MAPK10: variants seen among roughly 807,000 people sequenced by gnomAD.
MAPK10 encodes JNK3 alpha protein kinase.
In MAPK10, 25 loss-of-function variants were observed where a neutral mutation model predicts 59.3. The observed-to-expected ratio is 0.42, with a 90% confidence interval of 0.31 to 0.59. The LOEUF is 0.59. MAPK10 is among the 20% of genes least tolerant of loss of function. MAPK10 has a pLI of 0.15. For synonymous variants in MAPK10, 190 were observed against 200.5 expected (o/e 0.95, Z 0.44); for missense variants, 351 against 568.9 (o/e 0.62, Z 3.90).
At chr4:86,526,209 G>T (rs1757462008) in intron 1 of MAPK10, among the ~76,000 whole-genome samples, 1 of 152,074 alleles carries the variant, frequency 6.6e-6, no homozygotes, top group South Asian at 2.1e-4. Context: ...GGGATTTTAG[G>T]GGGATGGTAG....
At chr4:86,152,879 C>T (rs10001480) in intron 4 of MAPK10, among the ~76,000 whole-genome samples, 34,673 of 152,090 alleles carry the variant, frequency 0.23, 4,696 homozygotes, top group African/African-American at 0.38. Context: ...GCCATTGCCA[C>T]CTGTTATTTA....
At chr4:86,292,169 G>GTATC (rs1244076810) in intron 2 of MAPK10, among the ~76,000 whole-genome samples, 1 of 152,140 alleles carries the variant, frequency 6.6e-6, no homozygotes, top group East Asian at 1.9e-4. Context: ...TTTAAAAATA[G>GTATC]TATCTGGTAT....
At chr4:86,394,614 A>C (rs1037620114) in intron 1 of MAPK10, among the ~76,000 whole-genome samples, 2 of 152,220 alleles carry the variant, frequency 1.3e-5, no homozygotes, top group African/African-American at 4.8e-5. Context: ...GAGAAGAAGA[A>C]GATAAAGTTC....
At chr4:86,257,596 G>A (rs17011623) in intron 2 of MAPK10, among the ~76,000 whole-genome samples, 2,375 of 152,164 alleles carry the variant, frequency 0.016, 79 homozygotes, top group African/African-American at 0.054. Flanking sequence ...TAGTCCTCAC[G>A]TGGTTGACCA....
chr4:86,287,150 G>C (rs1385840563), intron 2 of MAPK10, among the ~76,000 whole-genome samples: 3 of 152,116 alleles, frequency 2.0e-5, no homozygotes, highest in Admixed American at 2.0e-4. Context: ...ATGAAAAAAG[G>C]CTTAAAATAA....
chr4:86,591,222 C>A (rs1382542931), intron 1 of MAPK10, among the ~76,000 whole-genome samples: 1 of 152,056 alleles, frequency 6.6e-6, no homozygotes, highest in Non-Finnish European at 1.5e-5. Context: ...CCATGCCCAG[C>A]CAGTTTTATA....
At chr4:86,284,180 A>G (rs2094918891) in intron 2 of MAPK10, among the ~76,000 whole-genome samples, 2 of 152,220 alleles carry the variant, frequency 1.3e-5, no homozygotes, top group African/African-American at 2.4e-5. Context: ...CACAAAAACT[A>G]TATGAGGAAC....
chr4:86,515,006 C>A (rs1756550095), intron 1 of MAPK10, among the ~76,000 whole-genome samples: 1 of 152,116 alleles, frequency 6.6e-6, no homozygotes, highest in Non-Finnish European at 1.5e-5. Context: ...CCACCTCACA[C>A]ACTTTTCCTA....
intron 3 of MAPK10, among the ~76,000 whole-genome samples, chr4:86,171,556 C>CTCCT (rs1184251138): frequency 1.3e-5 from 2 of 152,142 alleles, no homozygotes; most frequent in African/African-American, 4.8e-5. Context: ...CCCTCCATTA[C>CTCCT]ACCTTATACA....
intron 1 of MAPK10, among the ~76,000 whole-genome samples, chr4:86,487,612 T>A (rs1463106409): frequency 6.6e-6 from 1 of 151,546 alleles, no homozygotes; most frequent in Non-Finnish European, 1.5e-5. Context: ...GTGCCTGTAG[T>A]CCCAGCTACT....
At chr4:86,369,897 G>C (rs7695670) in intron 1 of MAPK10, among the ~76,000 whole-genome samples, 1 of 152,080 alleles carries the variant, frequency 6.6e-6, no homozygotes, top group Non-Finnish European at 1.5e-5. Context: ...TCCCAATTTA[G>C]GCACTGTCAT....
At chr4:86,195,161 T>G (rs1451877937) in intron 2 of MAPK10, among the ~76,000 whole-genome samples, 1 of 152,174 alleles carries the variant, frequency 6.6e-6, no homozygotes, top group Non-Finnish European at 1.5e-5. Context: ...TAATGCCAAA[T>G]TAGGTACTAA....
At chr4:86,100,641 A>G (rs1467225210) in intron 8 of MAPK10, 1 of 153,790 alleles carries the variant, frequency 6.5e-6, no homozygotes, top group Non-Finnish European at 1.4e-5. Context: ...TTCTAGAACT[A>G]CAGCCATCAG....
intron 4 of MAPK10, among the ~76,000 whole-genome samples, chr4:86,118,540 CTA>C (rs747834492): frequency 9.3e-5 from 14 of 150,094 alleles, no homozygotes; most frequent in East Asian, 2.0e-4. Flanking sequence ...TGCTATAAAG[CTA>C]TGTTTACCTC....
intron 2 of MAPK10, among the ~76,000 whole-genome samples, chr4:86,286,500 A>T (rs144175633): frequency 6.6e-6 from 1 of 152,332 alleles, no homozygotes; most frequent in Non-Finnish European, 1.5e-5. Context: ...TTATTAACTC[A>T]TTTAATCTCA....
intron 13 of MAPK10, among the ~76,000 whole-genome samples, chr4:86,026,088 T>C (rs1750037618): frequency 6.6e-6 from 1 of 152,162 alleles, no homozygotes; most frequent in Non-Finnish European, 1.5e-5. Context: ...GAGAGAATGG[T>C]TGCATATTAA....
chr4:86,492,165 G>A (rs1252702660), intron 1 of MAPK10, among the ~76,000 whole-genome samples: 1 of 152,124 alleles, frequency 6.6e-6, no homozygotes, highest in African/African-American at 2.4e-5. Context: ...AGAGAAGTAA[G>A]AATACTGTCT....
intron 2 of MAPK10, among the ~76,000 whole-genome samples, chr4:86,274,940 T>C (rs1162421054): frequency 6.6e-6 from 1 of 151,940 alleles, no homozygotes; most frequent in African/African-American, 2.4e-5. Flanking sequence ...GACTCCCAAA[T>C]TAAAATATTT....
chr4:86,341,167 G>T (rs1724683513), intron 2 of MAPK10, among the ~76,000 whole-genome samples: 1 of 152,092 alleles, frequency 6.6e-6, no homozygotes. Flanking sequence ...AATACTAATG[G>T]ATAACAATTG....
Sources: allele counts gnomAD v4.1 joint callset (sites outside exome capture counted in the v4.1 genomes callset), GRCh38; gene constraint gnomAD v4.1.1; transcripts MANE v1.5; gene names NCBI Gene and HGNC (gene_info 2026-07-23, HGNC 2026-07-21).